EPB41L3: variants seen among roughly 807,000 people sequenced by gnomAD.
The protein encoded by EPB41L3 is band 4.1-like protein 3.
A neutral mutation model predicts 127.1 loss-of-function variants in EPB41L3; 57 were observed. That is an observed-to-expected ratio of 0.45 (90% CI 0.36 to 0.56). The LOEUF (loss-of-function observed/expected upper bound fraction) is 0.56. Among genes scored for constraint, EPB41L3 ranks in the 20% least tolerant of loss-of-function variants. EPB41L3 has a pLI of 0.00. For missense variants in EPB41L3, 1,273 were observed against 1,372.2 expected, an observed-to-expected ratio of 0.93 and a Z score of 1.14; for synonymous variants, 572 against 549.5, an observed-to-expected ratio of 1.04 and a Z score of -0.57.
intron 5 of EPB41L3, among the ~76,000 whole-genome samples, chr18:5,438,553 A>G (rs2080207312): frequency 6.6e-6 from 1 of 152,212 alleles, no homozygotes; most frequent in Admixed American, 6.5e-5. Context: ...GGTCATATCC[A>G]ATTATAATAA....
Position 5,428,474 on chromosome 18 carries a change from TAA to T in EPB41L3, c.913-11_913-10del. The T allele has an allele frequency of 1.2e-6, 2 of 1,613,982 alleles. No homozygotes were observed. The highest frequency in any genetic ancestry group is 4.5e-5 in the East Asian group (2 of 44,882). On this transcript the variant is annotated splice_polypyrimidine_tract_variant and intron_variant, in intron 8 of 22. Coordinates refer to ENST00000341928, the MANE Select transcript of EPB41L3 (RefSeq NM_012307.5). ...TCTACCCCTTCTGAGTCCTGGAAAA[TAA>T]AAGCAAGAAACAACAGATCAGTATC...
chr18:5,564,892 A>T (rs2149224533), intron 3 of EPB41L3, among the ~76,000 whole-genome samples: 1 of 152,312 alleles, frequency 6.6e-6, no homozygotes, highest in Non-Finnish European at 1.5e-5. Flanking sequence ...CACAGATACC[A>T]GAACTCTACC....
intron 1 of EPB41L3, among the ~76,000 whole-genome samples, chr18:5,534,034 G>T (rs532377722): frequency 6.6e-6 from 1 of 152,124 alleles, no homozygotes; most frequent in East Asian, 1.9e-4. Context: ...GTGGTGGCGG[G>T]CGCCTGTAGT....
intron 3 of EPB41L3, among the ~76,000 whole-genome samples, chr18:5,566,783 T>TATTCTATTCTATTCTATTCTATTCC (rs2094210601): frequency 1.2e-4 from 9 of 77,460 alleles, no homozygotes; most frequent in Admixed American, 5.2e-4. Context: ...TATTCTATTC[T>TATTCTATTCTATTCTATTCTATTCC]ATTCTATTCC....
intron 1 of EPB41L3, among the ~76,000 whole-genome samples, chr18:5,522,502 A>G (rs961758201): frequency 7.2e-5 from 11 of 152,338 alleles, no homozygotes; most frequent in African/African-American, 2.2e-4. Flanking sequence ...TGTGATCTAA[A>G]TGAAAAATGT....
intron 14 of EPB41L3, among the ~76,000 whole-genome samples, chr18:5,408,758 C>T (rs1243211243): frequency 2.0e-5 from 3 of 151,990 alleles, no homozygotes; most frequent in Non-Finnish European, 4.4e-5. Context: ...TATCCCAAAG[C>T]CACCTCATTC....
upstream of EPB41L3, chr18:5,630,350 G>A (rs1233095254): frequency 1.9e-6 from 1 of 517,492 alleles, no homozygotes; most frequent in Non-Finnish European, 3.8e-6. Context: ...GCCTACGCCC[G>A]GCTGCCAAGA....
chr18:5,531,090 T>C (rs1033953952), intron 1 of EPB41L3, among the ~76,000 whole-genome samples: 1 of 152,236 alleles, frequency 6.6e-6, no homozygotes, highest in African/African-American at 2.4e-5. Flanking sequence ...TCTTACAGTT[T>C]GAAAAGTGCT....
intron 3 of EPB41L3, among the ~76,000 whole-genome samples, chr18:5,562,670 G>A (rs1000518666): frequency 2.6e-5 from 4 of 152,210 alleles, no homozygotes; most frequent in Non-Finnish European, 5.9e-5. Context: ...TGGTGGTGAT[G>A]ATATGGAAGT....
chr18:5,473,821 T>C (rs965295679), intron 3 of EPB41L3, among the ~76,000 whole-genome samples: 6 of 152,230 alleles, frequency 3.9e-5, no homozygotes, highest in East Asian at 1.9e-4. Context: ...TTTGTTGGCA[T>C]ACATGAAAAT....
chr18:5,471,705 G>A (rs1200931184), intron 3 of EPB41L3, among the ~76,000 whole-genome samples: 1 of 152,178 alleles, frequency 6.6e-6, no homozygotes, highest in African/African-American at 2.4e-5. Context: ...GGGAAGGAAA[G>A]TCCATTTCAT....
intron 3 of EPB41L3, among the ~76,000 whole-genome samples, chr18:5,477,641 T>C (rs1415878586): frequency 2.0e-5 from 3 of 152,166 alleles, no homozygotes; most frequent in African/African-American, 7.2e-5. Flanking sequence ...AACTGCTAAT[T>C]TGGTCTTGAC....
chr18:5,611,793 G>T (rs1267902816), intron 3 of EPB41L3, among the ~76,000 whole-genome samples: 3 of 151,900 alleles, frequency 2.0e-5, no homozygotes, highest in Admixed American at 6.6e-5. Context: ...AGCCAGGCAT[G>T]GTGGTGTGCA....
chr18:5,406,271 G>A (rs184495892), intron 16 of EPB41L3, among the ~76,000 whole-genome samples: 8 of 151,876 alleles, frequency 5.3e-5, no homozygotes, highest in African/African-American at 9.7e-5. Context: ...AACAAAAAAC[G>A]TAATATAAAT....
intron 1 of EPB41L3, among the ~76,000 whole-genome samples, chr18:5,498,660 C>T (rs1449675757): frequency 6.7e-6 from 1 of 148,542 alleles, no homozygotes; most frequent in African/African-American, 2.5e-5. Context: ...GCAAAGGCAC[C>T]CTCACAACAG....
chr18:5,547,247 T>A (rs1598896722), upstream of EPB41L3, among the ~76,000 whole-genome samples: 1 of 152,206 alleles, frequency 6.6e-6, no homozygotes, highest in Non-Finnish European at 1.5e-5. Context: ...ATAAAGCCAC[T>A]ATAGCCCCAG....
intron 1 of EPB41L3, among the ~76,000 whole-genome samples, chr18:5,532,915 A>G (rs1200520061): frequency 6.6e-6 from 1 of 152,198 alleles, no homozygotes; most frequent in African/African-American, 2.4e-5. Context: ...ACTCTTAAAT[A>G]AGAGCATGGA....
chr18:5,417,510 A>C (rs1435814496), intron 12 of EPB41L3, among the ~76,000 whole-genome samples: 1 of 152,108 alleles, frequency 6.6e-6, no homozygotes, highest in Non-Finnish European at 1.5e-5. Flanking sequence ...GCCTGAAAGT[A>C]ATTAGACTTC....
chr18:5,583,827 T>G (rs879274654), intron 3 of EPB41L3, among the ~76,000 whole-genome samples: 23 of 152,206 alleles, frequency 1.5e-4, no homozygotes, highest in Non-Finnish European at 2.8e-4. Context: ...TTTTATTTGT[T>G]TTCGGAGTTT....
Sources: allele counts gnomAD v4.1 joint callset (sites outside exome capture counted in the v4.1 genomes callset), GRCh38; gene constraint gnomAD v4.1.1; transcripts MANE v1.5; gene names NCBI Gene and HGNC (gene_info 2026-07-23, HGNC 2026-07-21).